BLOC1S6: variants seen among roughly 807,000 people sequenced by gnomAD.
BLOC1S6 encodes biogenesis of lysosomal organelles complex 1 subunit 6, also known as biogenesis of lysosome-related organelles complex 1 subunit 6.
In BLOC1S6, 24 loss-of-function variants were observed where a neutral mutation model predicts 24.7. The ratio of observed to expected loss-of-function variants is 0.97; its 90% CI spans 0.70 to 1.37. The LOEUF (loss-of-function observed/expected upper bound fraction) is 1.37, where lower values mean the gene tolerates loss of function less well. BLOC1S6 is among the 40% of genes most tolerant of loss of function. BLOC1S6 has a pLI of 0.00. For missense variants in BLOC1S6, 175 were observed against 196.2 expected, an observed-to-expected ratio of 0.89 and a Z score of 0.64; for synonymous variants, 76 against 72.6, an observed-to-expected ratio of 1.05 and a Z score of -0.23.
Position 45,603,178 on chromosome 15 carries a change from T to G in BLOC1S6, c.303T>G (p.Ile101Met). Residue 101 changes from isoleucine to methionine, a missense_variant, in exon 3 of 5, where the codon ATT (isoleucine) becomes ATG (methionine). Coordinates refer to ENST00000220531, the MANE Select transcript of BLOC1S6 (RefSeq NM_012388.4). ...KFKECHSMLDINALFAEAKHY... is the reference protein window; with the variant it reads ...KFKECHSMLDMNALFAEAKHY... ...AAGAATGTCATTCTATGTTGGATATTAATGCTTTGGTAAGTATGATTTAGT... is the reference window on the plus strand; with the variant it reads ...AAGAATGTCATTCTATGTTGGATATGAATGCTTTGGTAAGTATGATTTAGT... 1 of 1,589,460 alleles carries G rather than the reference T, an allele frequency of 6.3e-7. No individual in the cohort carries two copies. Among genetic ancestry groups the G allele is most frequent in the Non-Finnish European group, 8.6e-7 (1 of 1,158,582 alleles).
chr15:45,603,717 A>AAAAC (rs879576849), intron 3 of BLOC1S6, among the ~76,000 whole-genome samples: 2 of 152,198 alleles, frequency 1.3e-5, no homozygotes, highest in South Asian at 2.1e-4. Context: ...CCTGTCTCAA[A>AAAAC]AAACAAACAA....
At chr15:45,590,568 C>CG in intron 1 of BLOC1S6, among the ~76,000 whole-genome samples, 1 of 151,954 alleles carries the variant, frequency 6.6e-6, no homozygotes, top group Non-Finnish European at 1.5e-5. Context: ...ACACTACGCC[C>CG]GGGAAATTTT....
intron 2 of BLOC1S6, among the ~76,000 whole-genome samples, chr15:45,600,330 A>AT (rs1267445509): frequency 6.6e-6 from 1 of 151,006 alleles, no homozygotes; most frequent in Non-Finnish European, 1.5e-5. Flanking sequence ...TTAAAGTATA[A>AT]TAAAAAAAAA....
chr15:45,606,345 C>G, intron 4 of BLOC1S6, 50 bp from the exon 5 acceptor site: 3 of 1,608,830 alleles, frequency 1.9e-6, no homozygotes, highest in African/African-American at 1.3e-5. Flanking sequence ...TAGGCTAAAC[C>G]TGTAACCCCT....
chr15:45,601,274 G>A (rs1253118074), intron 2 of BLOC1S6: 2 of 154,362 alleles, frequency 1.3e-5, no homozygotes, highest in Non-Finnish European at 2.9e-5. Context: ...ACTGAAGAAA[G>A]CAAAACTGCA....
rs1595561789 is a variant in BLOC1S6 at position 45,607,857 on chromosome 15, A to T, written c.*1343A>T. 1.3e-5 allele frequency: 2 copies of T among 152,256 alleles called. No individual in the cohort carries two copies. The highest frequency in any genetic ancestry group is 1.3e-4 in the Admixed American group (2 of 15,280). 9.4% of individuals were successfully genotyped at this position (152,256 alleles called of 1,614,324 possible). A position where few individuals can be genotyped will look rare whatever the true frequency, so the allele number is the denominator to read the frequency against. ...TAGATAATTACAGGGATGGTGAAAA[A>T]TTAGTAAATAGCTTCACAAAAGAGG... On this transcript the variant is annotated 3_prime_UTR_variant, in exon 5 of 5. Transcript: ENST00000220531.
chr15:45,587,342 G>A, upstream of BLOC1S6: 4 of 1,189,272 alleles, frequency 3.4e-6, no homozygotes, highest in Non-Finnish European at 3.7e-6. Flanking sequence ...TTCCGGGTGC[G>A]ACAATCTCTT....
chr15:45,590,569 G>A (rs1005920558), intron 1 of BLOC1S6, among the ~76,000 whole-genome samples: 3 of 151,824 alleles, frequency 2.0e-5, no homozygotes, highest in African/African-American at 7.3e-5. Flanking sequence ...CACTACGCCC[G>A]GGAAATTTTT....
At chr15:45,587,982 G>T (rs1263818471) in intron 1 of BLOC1S6, 9 of 573,808 alleles carry the variant, frequency 1.6e-5, no homozygotes, top group Non-Finnish European at 2.5e-5. Context: ...TTCCAGGAGG[G>T]ATTTAAGCTC....
chr15:45,587,533 C>G lies in BLOC1S6; in HGVS notation c.82+8C>G, dbSNP rs1386198190. The G allele has an allele frequency of 1.9e-6, 3 of 1,567,804 alleles. No individual in the cohort carries two copies. Among genetic ancestry groups the G allele is most frequent in the South Asian group, 2.3e-5 (2 of 85,986 alleles). ...CCGGGGAGCCGACGCCTGGTACGTACTATCGGGTGGGAAGCGCGGCCCGGG... is the reference window on the plus strand; with the variant it reads ...CCGGGGAGCCGACGCCTGGTACGTAGTATCGGGTGGGAAGCGCGGCCCGGG... On this transcript the variant is annotated splice_region_variant and intron_variant, in intron 1 of 4. Coordinates refer to ENST00000220531, the MANE Select transcript of BLOC1S6 (RefSeq NM_012388.4).
chr15:45,604,049 T>G (rs571540906), intron 3 of BLOC1S6, among the ~76,000 whole-genome samples: 1 of 152,254 alleles, frequency 6.6e-6, no homozygotes, highest in African/African-American at 2.4e-5. Context: ...TTTGCTACCT[T>G]TATTTTCTGA....
At chr15:45,601,045 A>G (rs1894252560) in intron 2 of BLOC1S6, among the ~76,000 whole-genome samples, 1 of 152,212 alleles carries the variant, frequency 6.6e-6, no homozygotes, top group Non-Finnish European at 1.5e-5. Context: ...CAGCCTTTAT[A>G]CACTATGTTT....
Position 45,592,125 on chromosome 15 carries a change from C to T in BLOC1S6, c.83-10C>T. ...AAAAGGTTCCTAAATTTGATTTTTG[C>T]TGGGGACAGGTTTAAGTGACACTTC... On this transcript the variant is annotated splice_polypyrimidine_tract_variant and intron_variant, in intron 1 of 4. Coordinates refer to ENST00000220531, the MANE Select transcript of BLOC1S6 (RefSeq NM_012388.4). 1 of 1,613,766 alleles carries T rather than the reference C, an allele frequency of 6.2e-7. No homozygotes were observed. Among genetic ancestry groups the T allele is most frequent in the Non-Finnish European group, 8.5e-7 (1 of 1,179,930 alleles).
chr15:45,603,834 T>C (rs1894353403), intron 3 of BLOC1S6, among the ~76,000 whole-genome samples: 2 of 152,170 alleles, frequency 1.3e-5, no homozygotes, highest in Admixed American at 6.5e-5. Flanking sequence ...AAATTAGCAT[T>C]TTATTTAATT....
chr15:45,587,237 G>A (rs916259367), upstream of BLOC1S6: 11 of 624,696 alleles, frequency 1.8e-5, no homozygotes, highest in African/African-American at 2.0e-4. Context: ...TCCGGGGCCA[G>A]ACGACGATAT....
chr15:45,605,347 C>A, intron 3 of BLOC1S6, 81 bp from the exon 4 acceptor site: 2 of 1,139,298 alleles, frequency 1.8e-6, no homozygotes, highest in South Asian at 1.4e-5. Flanking sequence ...CACAAACTAT[C>A]ATTTATATAT....
At chr15:45,596,738 G>A (rs1175248081) in intron 2 of BLOC1S6, among the ~76,000 whole-genome samples, 2 of 151,772 alleles carry the variant, frequency 1.3e-5, no homozygotes, top group African/African-American at 4.8e-5. Context: ...GAATGCAGTG[G>A]GGCGATCTCA....
intron 2 of BLOC1S6, chr15:45,598,293 C>T (rs1020192918): frequency 1.4e-5 from 2 of 140,530 alleles, no homozygotes; most frequent in Admixed American, 7.3e-5. Context: ...TGCCCTCTCT[C>T]ACCGCTCCTA....
At position 45,606,374 on chromosome 15, in the gene BLOC1S6, T is replaced by A. The variant is rs760839932; in HGVS notation, c.400-21T>A. 14 of 1,612,828 alleles carry A rather than the reference T, an allele frequency of 8.7e-6. No individual in the cohort carries two copies. In the South Asian group the frequency reaches 1.5e-4, roughly 18 times the overall value. On this transcript the variant is annotated intron_variant, in intron 4 of 4. Transcript: ENST00000220531. ...AACCCCTGATTGCTCTCTTGGTTTT[T>A]AAATTTTTTTTTTAACACAGAAAAG...
Sources: allele counts gnomAD v4.1 joint callset (sites outside exome capture counted in the v4.1 genomes callset), GRCh38; gene constraint gnomAD v4.1.1; transcripts MANE v1.5; gene names NCBI Gene and HGNC (gene_info 2026-07-23, HGNC 2026-07-21).